ATP9B: variants seen among roughly 807,000 people sequenced by gnomAD.
ATP9B encodes probable phospholipid-transporting ATPase IIB.
ATP9B carries 110 observed loss-of-function variants against 146.1 expected under a neutral mutation model. The observed-to-expected ratio is 0.75, with a 90% CI of 0.65 to 0.88. The LOEUF is 0.88. Among genes scored for constraint, ATP9B ranks in the 40% least tolerant of loss-of-function variants. The pLI is 0.00. For synonymous variants in ATP9B, 604 were observed against 569.7 expected (o/e 1.06, Z -0.86); for missense variants, 1,499 against 1,496.4 (o/e 1.00, Z -0.03).
intron 5 of ATP9B, among the ~76,000 whole-genome samples, chr18:79,131,276 A>G (rs779787918): frequency 6.6e-6 from 1 of 152,242 alleles, no homozygotes; most frequent in African/African-American, 2.4e-5. Flanking sequence ...TGTATATCTG[A>G]TAAGGATCCA....
chr18:79,299,686 G>T (rs926637750), intron 13 of ATP9B, among the ~76,000 whole-genome samples: 1 of 152,192 alleles, frequency 6.6e-6, no homozygotes, highest in African/African-American at 2.4e-5. Flanking sequence ...GATGTATTCC[G>T]TATTTTACAG....
chr18:79,098,450 A>G (rs1434078366), intron 2 of ATP9B, among the ~76,000 whole-genome samples: 1 of 148,072 alleles, frequency 6.8e-6, no homozygotes, highest in Non-Finnish European at 1.5e-5. Flanking sequence ...CAGGCAACCT[A>G]CAACATTGGA....
chr18:79,070,765 C>G (rs369510484), intron 1 of ATP9B, among the ~76,000 whole-genome samples: 1 of 151,776 alleles, frequency 6.6e-6, no homozygotes, highest in South Asian at 2.1e-4. Flanking sequence ...GTTCCTCTGT[C>G]TCTGGTAATT....
intron 18 of ATP9B, 135 bp from the exon 19 acceptor site, chr18:79,337,144 G>A: frequency 8.3e-7 from 1 of 1,208,844 alleles, no homozygotes; most frequent in Admixed American, 2.1e-5. Context: ...GCTCTGTGGA[G>A]TACACACACA....
chr18:79,084,148 C>T (rs8085363), intron 1 of ATP9B, among the ~76,000 whole-genome samples: 4,203 of 150,762 alleles, frequency 0.028, 212 homozygotes, highest in African/African-American at 0.097. Context: ...TGAGCCACTG[C>T]GCCTGGCTCA....
rs1260389329 is a variant in ATP9B at position 79,329,209 on chromosome 18, G to A, written c.1842G>A (p.Gln614=). Residue 614 remains glutamine (Q), a synonymous_variant, in exon 16 of 30, where the codon CAG becomes CAA. Coordinates refer to ENST00000426216, the MANE Select transcript of ATP9B (RefSeq NM_198531.5). ...TLVSRDLTSM[Q]LKTPSGQVLS... Reference sequence around the variant, plus strand: ...TCAGCAGGGACCTCACCTCCATGCAGCTGAAGACCCCCAGTGGCCAGGTCC... The same window carrying A: ...TCAGCAGGGACCTCACCTCCATGCAACTGAAGACCCCCAGTGGCCAGGTCC... 6.2e-7 allele frequency: 1 copy of A among 1,612,544 alleles called. No individual in the cohort carries two copies. Among genetic ancestry groups the A allele is most frequent in the South Asian group, 1.1e-5 (1 of 90,882 alleles).
chr18:79,313,329 A>G (rs776042647), intron 15 of ATP9B, among the ~76,000 whole-genome samples: 1 of 152,198 alleles, frequency 6.6e-6, no homozygotes, highest in Admixed American at 6.5e-5. Context: ...TTAGCATTCT[A>G]GTGTGGGCTG....
At chr18:79,135,962 C>T (rs148643680) in intron 5 of ATP9B, among the ~76,000 whole-genome samples, 243 of 152,266 alleles carry the variant, frequency 1.6e-3, no homozygotes, top group Non-Finnish European at 2.6e-3. Flanking sequence ...CCTCTTTCTG[C>T]TCCATTGATC....
At chr18:79,166,357 A>AAGGG (rs1171573863) in intron 7 of ATP9B, among the ~76,000 whole-genome samples, 1 of 152,118 alleles carries the variant, frequency 6.6e-6, no homozygotes, top group Admixed American at 6.5e-5. Flanking sequence ...GCAAATGTGA[A>AAGGG]AGGACTCCCT....
At chr18:79,193,998 G>A (rs1220708431) in intron 9 of ATP9B, among the ~76,000 whole-genome samples, 9 of 152,312 alleles carry the variant, frequency 5.9e-5, no homozygotes, top group Non-Finnish European at 1.2e-4. Flanking sequence ...CTATGGGAAT[G>A]TGAAGCACGG....
intron 4 of ATP9B, chr18:79,115,510 A>C (rs1376409167): frequency 7.4e-6 from 1 of 135,268 alleles, no homozygotes; most frequent in Non-Finnish European, 1.6e-5. Context: ...ACACTACCTG[A>C]CTTCAAACTA....
intron 1 of ATP9B, among the ~76,000 whole-genome samples, chr18:79,074,690 G>A (rs2072389076): frequency 6.6e-6 from 1 of 152,230 alleles, no homozygotes; most frequent in African/African-American, 2.4e-5. Context: ...GGAGAGGGGA[G>A]TCTCAGGAAG....
intron 15 of ATP9B, among the ~76,000 whole-genome samples, chr18:79,323,094 G>A (rs930303135): frequency 2.0e-5 from 3 of 152,082 alleles, no homozygotes; most frequent in African/African-American, 7.2e-5. Flanking sequence ...TCGTTGCTTC[G>A]CGTTAGTAAT....
intron 7 of ATP9B, among the ~76,000 whole-genome samples, chr18:79,170,663 A>G (rs1241483469): frequency 6.6e-6 from 1 of 152,188 alleles, no homozygotes; most frequent in Non-Finnish European, 1.5e-5. Context: ...TTCTGAGTTT[A>G]AACATTTCCA....
intron 10 of ATP9B, among the ~76,000 whole-genome samples, chr18:79,209,955 C>G (rs1460300774): frequency 1.3e-5 from 2 of 152,106 alleles, no homozygotes; most frequent in African/African-American, 4.8e-5. Flanking sequence ...TCCTTTTACT[C>G]TTATACTTTA....
chr18:79,221,438 C>T (rs2095676063), intron 11 of ATP9B, among the ~76,000 whole-genome samples: 1 of 152,214 alleles, frequency 6.6e-6, no homozygotes, highest in African/African-American at 2.4e-5. Context: ...TCAAAACTAT[C>T]AGGCTGGGCA....
chr18:79,331,739 A>G (rs2096791134), intron 17 of ATP9B, among the ~76,000 whole-genome samples: 1 of 152,194 alleles, frequency 6.6e-6, no homozygotes, highest in African/African-American at 2.4e-5. Context: ...TTCAATGATC[A>G]CATAACAGAA....
rs1215114916 is a variant in ATP9B, at chr18:79,240,558, C to T, written c.1108-12823C>T. ...GGCAGGAGTTCGAGACCAGTCTGAC[C>T]AACATGGACAAACCCCGTCTCTACT... On this transcript the variant is annotated intron_variant, in intron 11 of 29. Coordinates refer to ENST00000426216, the MANE Select transcript of ATP9B (RefSeq NM_198531.5). Among the ~76,000 whole-genome samples the T allele has an allele frequency of 5.9e-5, 9 of 152,294 alleles. No individual in the cohort carries two copies. The East Asian group carries it at 1.7e-3, about 29-fold the overall frequency.
At chr18:79,342,066 A>G (rs937963161) in intron 19 of ATP9B, among the ~76,000 whole-genome samples, 5 of 152,350 alleles carry the variant, frequency 3.3e-5, no homozygotes, top group Admixed American at 6.5e-5. Context: ...TTGAACCACA[A>G]TGCAGCCTGT....
Sources: gnomAD v4.1 joint callset for allele counts (sites outside exome capture counted in the v4.1 genomes callset) on GRCh38, gnomAD v4.1.1 for gene constraint, MANE v1.5 for transcripts, NCBI Gene and HGNC (gene_info 2026-07-23, HGNC 2026-07-21) for gene names.